SYTL2: variants seen among roughly 807,000 people sequenced by gnomAD.
SYTL2 encodes the protein synaptotagmin-like protein 2.
A neutral mutation model predicts 198.7 loss-of-function variants in SYTL2; 165 were observed. The ratio of observed to expected loss-of-function variants is 0.83; its 90% CI spans 0.73 to 0.94. SYTL2 has a LOEUF of 0.94. Ranked by LOEUF, SYTL2 falls within the 40% of genes least tolerant of loss-of-function variation. The probability of loss-of-function intolerance (pLI) is 0.00; values close to 1 mark genes in which losing one functional copy is unlikely to be tolerated. For synonymous variants in SYTL2, 966 were observed against 917.7 expected (o/e 1.05, Z -0.95); for missense variants, 2,835 against 2,582.8 (o/e 1.10, Z -2.12).
At chr11:85,773,805 T>C (rs993618961) in intron 1 of SYTL2, among the ~76,000 whole-genome samples, 1 of 152,216 alleles carries the variant, frequency 6.6e-6, no homozygotes, top group Admixed American at 6.5e-5. Flanking sequence ...TTTGCCTTAT[T>C]AGGAAAAAAT....
intron 2 of SYTL2, among the ~76,000 whole-genome samples, chr11:85,757,356 A>G (rs1423629964): frequency 6.6e-6 from 1 of 152,160 alleles, no homozygotes; most frequent in Non-Finnish European, 1.5e-5. Context: ...GGTTGTATAC[A>G]TTTCATTTTT....
At chr11:85,797,623 T>C (rs1055311122) in intron 1 of SYTL2, among the ~76,000 whole-genome samples, 11 of 147,886 alleles carry the variant, frequency 7.4e-5, no homozygotes, top group African/African-American at 2.5e-4. Context: ...CGAGACTCCT[T>C]CTCAAAAAAA....
chr11:85,749,797 C>T (rs1319483805), intron 2 of SYTL2, among the ~76,000 whole-genome samples: 1 of 152,180 alleles, frequency 6.6e-6, no homozygotes, highest in African/African-American at 2.4e-5. Context: ...CCTTCTCCTC[C>T]CAAAAGGACC....
At position 85,724,695 on chromosome 11, in the gene SYTL2, C is replaced by T. The variant is rs865778793; in HGVS notation, c.4663G>A (p.Glu1555Lys). Reference sequence around the variant, plus strand: ...GCACTCTCAGTTATTAACGGAGCCTCGGCCTTTTCTACTGTTTCTTTTAAT... The same window carrying T: ...GCACTCTCAGTTATTAACGGAGCCTTGGCCTTTTCTACTGTTTCTTTTAAT... ...EELKETVEKAEAPLITESAFD... is the reference protein window; with the variant it reads ...EELKETVEKAKAPLITESAFD... Residue 1555 changes from glutamate (E) to lysine (K), a missense_variant, in exon 8 of 20, where the codon GAG becomes AAG. Physicochemically the swap from Glu to Lys is moderately conservative, Grantham distance 56. Around this residue, in one of 3 missense-constraint regions of SYTL2, gnomAD observed 2,645 missense variants for 2,381.7 expected, o/e 1.11. Transcript: ENST00000359152. 20 of 1,613,904 alleles carry T rather than the reference C, an allele frequency of 1.2e-5. No individual in the cohort carries two copies. Among genetic ancestry groups the T allele is most frequent in the African/African-American group, 4.0e-5 (3 of 74,896 alleles).
At chr11:85,851,067 C>T in the SYTL2 span, among the ~76,000 whole-genome samples, 2 of 151,072 alleles carry the variant, frequency 1.3e-5, no homozygotes, top group Non-Finnish European at 3.0e-5. Flanking sequence ...GGGAGACATA[C>T]CTAATGCTAG....
intron 9 of SYTL2, chr11:85,719,077 G>A: frequency 6.6e-7 from 1 of 1,504,274 alleles, no homozygotes; most frequent in Non-Finnish European, 8.9e-7. Flanking sequence ...GCTGCACACA[G>A]ACTCCCAAGG....
chr11:85,762,140 C>G (rs1029984487), intron 1 of SYTL2, among the ~76,000 whole-genome samples: 3 of 152,152 alleles, frequency 2.0e-5, no homozygotes, highest in Admixed American at 1.3e-4. Flanking sequence ...CGAGGCAGAA[C>G]AAAACCCCTG....
Position 85,736,544 on chromosome 11 carries a change from CT to C in SYTL2, c.542del (p.Gln181ArgfsTer35). On this transcript the variant is annotated frameshift_variant, in exon 6 of 20. Coordinates refer to ENST00000359152, the MANE Select transcript of SYTL2 (RefSeq NM_206927.4). LOFTEE classifies it high-confidence loss of function. ...ATAAACCAGTTCTTCCATTTTTTGA[CT>C]GTTCATTTTTAGTTTGTTGTGATGA... ...GHSSQQTKNE[Q>X]SKNGRTGLFQ... 1 of 1,605,122 alleles carries C rather than the reference CT, an allele frequency of 6.2e-7. No homozygotes were observed. Among genetic ancestry groups the C allele is most frequent in the Non-Finnish European group, 8.5e-7 (1 of 1,174,188 alleles).
At chr11:85,832,253 C>T in the SYTL2 span, among the ~76,000 whole-genome samples, 3,089 of 152,230 alleles carry the variant, frequency 0.02, 103 homozygotes, top group African/African-American at 0.071. Context: ...TCATAACAAC[C>T]ATATGAGGTG....
chr11:85,778,223 G>T (rs1000635679), intron 1 of SYTL2, among the ~76,000 whole-genome samples: 2 of 152,114 alleles, frequency 1.3e-5, no homozygotes, highest in Non-Finnish European at 2.9e-5. Flanking sequence ...GAAATTCACA[G>T]GTGTAATTCA....
intron 1 of SYTL2, among the ~76,000 whole-genome samples, chr11:85,784,774 C>T (rs1017597152): frequency 7.9e-5 from 12 of 152,068 alleles, no homozygotes; most frequent in African/African-American, 2.2e-4. Flanking sequence ...TTCACACACA[C>T]GCAAAGAATT....
At chr11:85,738,249 T>C (rs1349397595) in intron 4 of SYTL2, among the ~76,000 whole-genome samples, 2 of 152,214 alleles carry the variant, frequency 1.3e-5, no homozygotes, top group Non-Finnish European at 2.9e-5. Context: ...TGCAGCCTCA[T>C]TTCTTTTCTT....
chr11:85,696,062 A>C, intron 19 of SYTL2, 121 bp downstream of exon 19: 1 of 753,256 alleles, frequency 1.3e-6, no homozygotes, highest in Non-Finnish European at 2.2e-6. Flanking sequence ...CACTATACTT[A>C]AGAGATATCT....
chr11:85,743,527 A>G (rs2153515715), intron 4 of SYTL2, among the ~76,000 whole-genome samples: 1 of 152,338 alleles, frequency 6.6e-6, no homozygotes, highest in Middle Eastern at 3.4e-3. Flanking sequence ...ACTGATTCTC[A>G]TACCTTGTTT....
At chr11:85,799,960 T>A (rs547317808) in intron 1 of SYTL2, among the ~76,000 whole-genome samples, 1 of 152,308 alleles carries the variant, frequency 6.6e-6, no homozygotes, top group East Asian at 1.9e-4. Context: ...TATCAACAAA[T>A]GTTCACTGTT....
At chr11:85,833,145 AGG>A in the SYTL2 span, among the ~76,000 whole-genome samples, 18 of 124,730 alleles carry the variant, frequency 1.4e-4, 1 homozygote, top group East Asian at 1.8e-3. Flanking sequence ...GAAGGAAGGA[AGG>A]AAGGAAGGAA....
chr11:85,792,897 C>T (rs886952568), intron 1 of SYTL2, among the ~76,000 whole-genome samples: 14 of 151,652 alleles, frequency 9.2e-5, no homozygotes, highest in African/African-American at 2.4e-4. Context: ...TTTGTTCTTG[C>T]GATAGTTTAC....
chr11:85,728,279 T>C (rs889433173), intron 7 of SYTL2, among the ~76,000 whole-genome samples: 1 of 152,138 alleles, frequency 6.6e-6, no homozygotes, highest in African/African-American at 2.4e-5. Context: ...CTGTTTCATG[T>C]TACATTTTAT....
chr11:85,765,172 C>T (rs1286696182), intron 1 of SYTL2, among the ~76,000 whole-genome samples: 1 of 152,156 alleles, frequency 6.6e-6, no homozygotes, highest in Non-Finnish European at 1.5e-5. Context: ...AAATGAACTT[C>T]TTTATAAAGA....
Sources: allele counts gnomAD v4.1 joint callset (sites outside exome capture counted in the v4.1 genomes callset), GRCh38; gene constraint gnomAD v4.1.1; regional missense constraint gnomAD v4.1.1; transcripts MANE v1.5; gene names NCBI Gene and HGNC (gene_info 2026-07-23, HGNC 2026-07-21).